The following ZFPM2 variants were observed in gnomAD, a reference collection of about 807,000 sequenced individuals.
ZFPM2 encodes zinc finger protein, FOG family member 2.
Under a neutral mutation model 98.6 loss-of-function variants are expected in ZFPM2, and 20 were observed. The ratio of observed to expected loss-of-function variants is 0.20; its 90% CI spans 0.14 to 0.29. The LOEUF is 0.29. ZFPM2 is among the 10% of genes least tolerant of loss of function. The pLI is 1.00. For missense variants in ZFPM2, 1,310 were observed against 1,388.6 expected (o/e 0.94, Z 0.90); for synonymous variants, 518 against 502.7 (o/e 1.03, Z -0.41).
chr8:105,487,923 T>TATCC (rs1221046751), intron 3 of ZFPM2, among the ~76,000 whole-genome samples: 1 of 104,996 alleles, frequency 9.5e-6, no homozygotes, highest in Non-Finnish European at 2.1e-5. Flanking sequence ...TCTATCTATC[T>TATCC]ATCTATCTAG....
At chr8:105,545,808 A>AT (rs1338132476) in intron 3 of ZFPM2, among the ~76,000 whole-genome samples, 2 of 152,236 alleles carry the variant, frequency 1.3e-5, no homozygotes, top group Non-Finnish European at 2.9e-5. Context: ...ATGAATAAAC[A>AT]TTTTCCATTG....
intron 5 of ZFPM2, among the ~76,000 whole-genome samples, chr8:105,708,362 G>C (rs573101567): frequency 1.3e-5 from 2 of 152,140 alleles, no homozygotes; most frequent in South Asian, 2.1e-4. Flanking sequence ...CAGCTTCACT[G>C]TTCTTTATTT....
intron 4 of ZFPM2, among the ~76,000 whole-genome samples, chr8:105,614,960 T>C (rs1454840569): frequency 6.6e-6 from 1 of 152,178 alleles, no homozygotes; most frequent in Non-Finnish European, 1.5e-5. Context: ...TTGAATTTAC[T>C]TTAGGGTTAC....
chr8:105,489,900 C>T (rs1022823925), intron 3 of ZFPM2, among the ~76,000 whole-genome samples: 2 of 152,102 alleles, frequency 1.3e-5, no homozygotes, highest in African/African-American at 4.8e-5. Context: ...AGGGGACTCA[C>T]AACTAATTAC....
intron 3 of ZFPM2, among the ~76,000 whole-genome samples, chr8:105,500,335 TTTG>T (rs1813565738): frequency 6.6e-6 from 1 of 152,146 alleles, no homozygotes; most frequent in African/African-American, 2.4e-5. Context: ...CTTGCTTAAA[TTTG>T]AGAATAAACA....
chr8:105,548,065 G>C (rs1037853557), intron 3 of ZFPM2, among the ~76,000 whole-genome samples: 1 of 151,984 alleles, frequency 6.6e-6, no homozygotes, highest in East Asian at 1.9e-4. Context: ...CTGAGTGTCT[G>C]ATTCTGCTTT....
chr8:105,631,320 T>A (rs1164763623), intron 4 of ZFPM2, among the ~76,000 whole-genome samples: 1 of 152,184 alleles, frequency 6.6e-6, no homozygotes, highest in African/African-American at 2.4e-5. Flanking sequence ...GTTCTTTCCA[T>A]TTATCAATAA....
intron 5 of ZFPM2, among the ~76,000 whole-genome samples, chr8:105,685,407 T>C (rs1687871640): frequency 6.6e-6 from 1 of 152,132 alleles, no homozygotes; most frequent in Non-Finnish European, 1.5e-5. Flanking sequence ...AGTTGCCTCA[T>C]AAAACTTTTT....
intron 5 of ZFPM2, among the ~76,000 whole-genome samples, chr8:105,661,077 A>G (rs1162393181): frequency 6.6e-6 from 1 of 152,180 alleles, no homozygotes. Flanking sequence ...AATGCCTCAA[A>G]TATCAAAAAC....
At chr8:105,506,856 C>T (rs1040842126) in intron 3 of ZFPM2, among the ~76,000 whole-genome samples, 2 of 151,442 alleles carry the variant, frequency 1.3e-5, no homozygotes, top group Admixed American at 6.6e-5. Flanking sequence ...GGTGTAGTGG[C>T]GGGTGCCTGT....
intron 5 of ZFPM2, among the ~76,000 whole-genome samples, chr8:105,783,515 GA>G (rs1813323188): frequency 6.6e-6 from 1 of 152,006 alleles, no homozygotes; most frequent in South Asian, 2.1e-4. Context: ...TTGCCAAACT[GA>G]AATTCTATTT....
At chr8:105,395,159 C>A (rs1207674785) in intron 1 of ZFPM2, among the ~76,000 whole-genome samples, 1 of 152,194 alleles carries the variant, frequency 6.6e-6, no homozygotes, top group Non-Finnish European at 1.5e-5. Flanking sequence ...CAACCAAATC[C>A]TTCCGCTACA....
At chr8:105,742,599 T>C (rs974849539) in intron 5 of ZFPM2, among the ~76,000 whole-genome samples, 2 of 151,446 alleles carry the variant, frequency 1.3e-5, no homozygotes, top group African/African-American at 4.8e-5. Flanking sequence ...GGAGTTCAAA[T>C]GATCATCCAA....
intron 3 of ZFPM2, among the ~76,000 whole-genome samples, chr8:105,459,502 C>T (rs1384017840): frequency 1.3e-5 from 2 of 152,084 alleles, no homozygotes; most frequent in Non-Finnish European, 2.9e-5. Flanking sequence ...TGCTCAGGCT[C>T]CCATAATGTA....
chr8:105,467,730 C>A (rs1034424496), intron 3 of ZFPM2, among the ~76,000 whole-genome samples: 2 of 152,002 alleles, frequency 1.3e-5, no homozygotes, highest in African/African-American at 4.8e-5. Context: ...TGATTAGATA[C>A]ACATACACAT....
chr8:105,689,059 C>T (rs945622795), intron 5 of ZFPM2, among the ~76,000 whole-genome samples: 1 of 152,268 alleles, frequency 6.6e-6, no homozygotes, highest in East Asian at 1.9e-4. Context: ...TTTGCATATG[C>T]TGTTCATCTC....
Position 105,801,109 on chromosome 8 carries a change from A to G in ZFPM2, c.1027A>G (p.Thr343Ala), listed in dbSNP as rs762932423. 2 of 1,613,960 alleles carry G rather than the reference A, an allele frequency of 1.2e-6. No homozygotes were observed. The highest frequency in any genetic ancestry group is 2.2e-5 in the South Asian group (2 of 91,084). Residue 343 changes from threonine (T) to alanine (A), a missense_variant, in exon 8 of 8, where the codon ACT becomes GCT. Coordinates refer to ENST00000407775, the MANE Select transcript of ZFPM2 (RefSeq NM_012082.4). ...ASLKCTVCSY[T>A]ADSVINFHQH... ...TCTAAAATGCACCGTCTGTAGCTAC[A>G]CTGCTGATTCCGTGATCAACTTTCA...
intron 1 of ZFPM2, among the ~76,000 whole-genome samples, chr8:105,349,006 T>G (rs1812590289): frequency 1.3e-5 from 2 of 152,210 alleles, no homozygotes; most frequent in African/African-American, 2.4e-5. Flanking sequence ...GGGATCCATT[T>G]ATCTTCTTCA....
intron 4 of ZFPM2, among the ~76,000 whole-genome samples, chr8:105,586,444 A>G (rs951261639): frequency 6.6e-6 from 1 of 151,700 alleles, no homozygotes; most frequent in Non-Finnish European, 1.5e-5. Context: ...TTTTTTTGAG[A>G]TGGAGTCTCA....
Sources: allele counts gnomAD v4.1 joint callset (sites outside exome capture counted in the v4.1 genomes callset), GRCh38; gene constraint gnomAD v4.1.1; transcripts MANE v1.5; gene names NCBI Gene and HGNC (gene_info 2026-07-23, HGNC 2026-07-21).